Variants in PCDHGA5 observed in about 807,000 individuals in gnomAD.
PCDHGA5 encodes protocadherin gamma subfamily A, 5.
A neutral mutation model predicts 56.7 loss-of-function variants in PCDHGA5; 36 were observed. That is an observed-to-expected ratio of 0.64 (90% confidence interval 0.49 to 0.84). The LOEUF (loss-of-function observed/expected upper bound fraction) is 0.84, where lower values mean the gene tolerates loss of function less well. PCDHGA5 is among the 40% of genes least tolerant of loss of function. The pLI, the probability that PCDHGA5 is intolerant of heterozygous loss-of-function variation, is 0.00. For synonymous variants in PCDHGA5, 563 were observed against 520.2 expected (o/e 1.08, Z -1.12); for missense variants, 1,305 against 1,201.5 (o/e 1.09, Z -1.27).
chr5:141,409,748 G>A (rs2095311209), intron 1 of PCDHGA5: 1 of 1,613,018 alleles, frequency 6.2e-7, no homozygotes, highest in Non-Finnish European at 8.5e-7. Context: ...GGTGGTGTTC[G>A]CGCAGCGCGC....
intron 1 of PCDHGA5, chr5:141,392,784 A>G: frequency 6.5e-7 from 1 of 1,546,632 alleles, no homozygotes. Context: ...CACAGTGAAG[A>G]TTCTGAGAGG....
intron 1 of PCDHGA5, chr5:141,404,701 G>T (rs563319884): frequency 6.2e-7 from 1 of 1,614,074 alleles, no homozygotes; most frequent in African/African-American, 1.3e-5. Flanking sequence ...GCTCTGCAGA[G>T]CCTGGCTACC....
At chr5:141,419,729 G>A in intron 1 of PCDHGA5, 1 of 1,613,758 alleles carries the variant, frequency 6.2e-7, no homozygotes, top group Non-Finnish European at 8.5e-7. Context: ...GCTGCGAACA[G>A]GCGAGGTGCG....
At chr5:141,474,893 T>C (rs1406276730) in intron 1 of PCDHGA5, among the ~76,000 whole-genome samples, 1 of 152,256 alleles carries the variant, frequency 6.6e-6, no homozygotes, top group East Asian at 1.9e-4. Flanking sequence ...TAGAGGTTCA[T>C]TTCTTGTTCA....
chr5:141,370,433 G>A, intron 1 of PCDHGA5: 1 of 1,601,376 alleles, frequency 6.2e-7, no homozygotes, highest in Non-Finnish European at 8.5e-7. Flanking sequence ...CAGCAGGGCA[G>A]AGGCGAATGC....
intron 1 of PCDHGA5, chr5:141,377,269 TG>T (rs1449007533): frequency 2.1e-5 from 3 of 142,478 alleles, no homozygotes; most frequent in Non-Finnish European, 4.5e-5. Context: ...TTTTCTAATG[TG>T]GGAAAAAAAA....
At chr5:141,433,361 A>G (rs1208326325) in intron 1 of PCDHGA5, 15 of 297,508 alleles carry the variant, frequency 5.0e-5, no homozygotes, top group Non-Finnish European at 7.0e-5. Context: ...CTGTCTGCCT[A>G]TCTATCTATC....
intron 1 of PCDHGA5, among the ~76,000 whole-genome samples, chr5:141,465,984 T>C (rs11953841): frequency 0.18 from 27,399 of 151,848 alleles, 2,640 homozygotes; most frequent in Admixed American, 0.28. Context: ...TAGCCGGGCA[T>C]GGTGGCAGGC....
chr5:141,393,939 T>C (rs1488586975), intron 1 of PCDHGA5: 2 of 1,613,856 alleles, frequency 1.2e-6, no homozygotes, highest in Non-Finnish European at 8.5e-7. Context: ...TGACCAAGAC[T>C]CTGGAAAGAA....
At position 141,399,013 on chromosome 5, in the gene PCDHGA5, G is replaced by A. The variant is rs145783835; in HGVS notation, c.2421+32262G>A. 9.5e-3 allele frequency: 15,345 copies of A among 1,613,900 alleles called. 158 individuals are homozygous for A. Among genetic ancestry groups the A allele is most frequent in the South Asian group, 0.02 (1,850 of 91,076 alleles). On this transcript the variant is annotated intron_variant, in intron 1 of 3. Coordinates refer to ENST00000518069, the MANE Select transcript of PCDHGA5 (RefSeq NM_018918.3). ...CTTTAGTCTGAATTCAAAGAGCGGA[G>A]AAATTACCACTCAAAAGAAACTGGA...
chr5:141,417,980 C>A lies in PCDHGA5; in HGVS notation c.2421+51229C>A, dbSNP rs905203424. On this transcript the variant is annotated intron_variant, in intron 1 of 3. Transcript: ENST00000518069. ...GATCCGCTACTCGATTCCGGAGGAG[C>A]TGGCCAAGGGCTCGGTGGTGGGGAA... is the stretch of plus-strand genomic sequence containing the variant. 4.3e-6 allele frequency: 7 copies of A among 1,613,856 alleles called. No homozygotes were observed. The Admixed American group carries it at 1.0e-4, about 23-fold the overall frequency.
chr5:141,417,947 T>A (rs958624664), intron 1 of PCDHGA5: 53 of 1,613,420 alleles, frequency 3.3e-5, no homozygotes, highest in Middle Eastern at 1.7e-4. Context: ...CCCCACGCTG[T>A]GTGAGCCGAT....
chr5:141,399,682 G>C, intron 1 of PCDHGA5: 2 of 1,613,512 alleles, frequency 1.2e-6, no homozygotes, highest in Non-Finnish European at 1.7e-6. Context: ...CTTTGACTAC[G>C]AGCAGCTGCG....
chr5:141,365,569 A>G lies in PCDHGA5; in HGVS notation c.1239A>G (p.Glu413=). 6.2e-7 allele frequency: 1 copy of G among 1,613,722 alleles called. No homozygotes were observed. Among genetic ancestry groups the G allele is most frequent in the Non-Finnish European group, 8.5e-7 (1 of 1,179,882 alleles). ...HLLTTRDLDR[E]ETSDYNITLT... ...TAACAACTAGGGACCTGGACAGAGA[A>G]GAGACTTCAGATTATAATATCACTT... The change falls in exon 1 of 4, where the codon GAA becomes GAG. Residue 413 remains glutamate, a synonymous_variant. Coordinates refer to ENST00000518069, the MANE Select transcript of PCDHGA5 (RefSeq NM_018918.3).
chr5:141,459,909 G>A (rs7446907), intron 1 of PCDHGA5, among the ~76,000 whole-genome samples: 42,418 of 152,010 alleles, frequency 0.28, 6,645 homozygotes, highest in African/African-American at 0.43. Flanking sequence ...TGAGCTATGG[G>A]AGTTTTAAAA....
chr5:141,403,434 A>G, intron 1 of PCDHGA5: 1 of 1,614,024 alleles, frequency 6.2e-7, no homozygotes, highest in Non-Finnish European at 8.5e-7. Flanking sequence ...ATTGATCCGG[A>G]TGTTGGCGTG....
intron 1 of PCDHGA5, among the ~76,000 whole-genome samples, chr5:141,430,380 T>C (rs1464446838): frequency 2.7e-5 from 4 of 147,890 alleles, no homozygotes; most frequent in Non-Finnish European, 4.5e-5. Flanking sequence ...AAAAGCTCAT[T>C]GGGAAAAAAA....
intron 1 of PCDHGA5, chr5:141,376,198 G>A (rs1772399318): frequency 6.2e-7 from 1 of 1,614,072 alleles, no homozygotes; most frequent in South Asian, 1.1e-5. Context: ...GCGTCTTCCT[G>A]GCCTTCGTCA....
chr5:141,403,490 C>T, intron 1 of PCDHGA5: 1 of 1,614,044 alleles, frequency 6.2e-7, no homozygotes, highest in South Asian at 1.1e-5. Flanking sequence ...CCACTTCTCC[C>T]TGAACGTGCA....
Sources: gnomAD v4.1 joint callset for allele counts (sites outside exome capture counted in the v4.1 genomes callset) on GRCh38, gnomAD v4.1.1 for gene constraint, MANE v1.5 for transcripts, NCBI Gene and HGNC (gene_info 2026-07-23, HGNC 2026-07-21) for gene names.